The following EXOC6 variants were observed in gnomAD, a reference collection of about 807,000 sequenced individuals.
EXOC6 encodes SEC15-like 1.
In EXOC6, 60 loss-of-function variants were observed where a neutral mutation model predicts 112.5. That is an observed-to-expected ratio of 0.53 (90% confidence interval 0.43 to 0.66). EXOC6 has a LOEUF of 0.66. EXOC6 is among the 30% of genes least tolerant of loss of function. The pLI, the probability that EXOC6 is intolerant of heterozygous loss-of-function variation, is 0.00. For synonymous variants in EXOC6, 295 were observed against 308.0 expected (o/e 0.96, Z 0.44); for missense variants, 855 against 957.1 (o/e 0.89, Z 1.41).
intron 8 of EXOC6, among the ~76,000 whole-genome samples, chr10:92,921,708 C>T (rs1486342660): frequency 4.1e-5 from 6 of 147,224 alleles, no homozygotes; most frequent in South Asian, 2.1e-4. Flanking sequence ...AGTGCAGTGG[C>T]GTGATCACAG....
intron 17 of EXOC6, 38 bp from the exon 18 acceptor site, chr10:92,974,015 C>G: frequency 6.9e-7 from 1 of 1,445,254 alleles, no homozygotes; most frequent in Non-Finnish European, 9.4e-7. Context: ...GTTTTATTAT[C>G]TGTTTCTTGT....
intron 17 of EXOC6, among the ~76,000 whole-genome samples, chr10:92,962,680 G>A (rs1395895822): frequency 6.6e-6 from 1 of 152,112 alleles, no homozygotes; most frequent in Admixed American, 6.6e-5. Flanking sequence ...CGTGTAAGCC[G>A]CTGTCAGGCC....
At chr10:92,849,672 T>C (rs1278848859) in intron 1 of EXOC6, among the ~76,000 whole-genome samples, 1 of 152,234 alleles carries the variant, frequency 6.6e-6, no homozygotes, top group East Asian at 1.9e-4. Flanking sequence ...CCTGTGAATA[T>C]AGTGTAAATT....
At chr10:92,965,349 T>TA (rs1479065775) in intron 17 of EXOC6, among the ~76,000 whole-genome samples, 4 of 152,210 alleles carry the variant, frequency 2.6e-5, no homozygotes, top group Non-Finnish European at 5.9e-5. Context: ...ATTTAATTCT[T>TA]ACACATTGAA....
intron 20 of EXOC6, among the ~76,000 whole-genome samples, chr10:93,041,806 G>A (rs1187372509): frequency 6.6e-6 from 1 of 152,054 alleles, no homozygotes; most frequent in Non-Finnish European, 1.5e-5. Flanking sequence ...CCACCTCCTG[G>A]GTTCAAGTGA....
At position 93,046,025 on chromosome 10, in the gene EXOC6, A is replaced by C. The variant is rs181873908; in HGVS notation, c.2170-10899A>C. 4.6e-5 allele frequency among the ~76,000 whole-genome samples: 7 copies of C among 152,380 alleles called. No homozygotes were observed. In the East Asian group the frequency reaches 1.2e-3, roughly 25 times the overall value. On this transcript the variant is annotated intron_variant, in intron 20 of 21. Transcript: ENST00000260762. ...TTACTAGTAGTTTAGATGTCAAGTA[A>C]ATGATAACATAGCCCTATTATCAGT...
At chr10:93,040,675 C>G (rs371857821) in intron 20 of EXOC6, among the ~76,000 whole-genome samples, 6 of 152,214 alleles carry the variant, frequency 3.9e-5, no homozygotes, top group African/African-American at 1.4e-4. Flanking sequence ...ATTTCTCAAT[C>G]CATTCCTATC....
intron 1 of EXOC6, among the ~76,000 whole-genome samples, chr10:92,850,905 A>G (rs1317496803): frequency 6.6e-6 from 1 of 152,198 alleles, no homozygotes; most frequent in Non-Finnish European, 1.5e-5. Context: ...AGGCCCTGAC[A>G]TATAACATGG....
At chr10:92,914,306 T>G (rs753546166) in intron 6 of EXOC6, among the ~76,000 whole-genome samples, 26 of 152,206 alleles carry the variant, frequency 1.7e-4, no homozygotes, top group Non-Finnish European at 3.2e-4. Context: ...AAAAAAAGCC[T>G]GGGGACCACT....
At chr10:92,910,107 A>G (rs1009835640) in intron 6 of EXOC6, among the ~76,000 whole-genome samples, 2 of 152,200 alleles carry the variant, frequency 1.3e-5, no homozygotes, top group African/African-American at 2.4e-5. Flanking sequence ...CAATATATCT[A>G]CCTTTTGAGT....
chr10:92,994,144 C>A (rs1253051534), intron 18 of EXOC6, among the ~76,000 whole-genome samples: 1 of 152,196 alleles, frequency 6.6e-6, no homozygotes, highest in Non-Finnish European at 1.5e-5. Context: ...TATGCTTTGA[C>A]TTTGTTGAAT....
chr10:92,999,934 C>A (rs1215142553), intron 19 of EXOC6, among the ~76,000 whole-genome samples: 2 of 152,120 alleles, frequency 1.3e-5, no homozygotes, highest in African/African-American at 4.8e-5. Context: ...AAACTCCTAA[C>A]CTCAGGTGAT....
intron 18 of EXOC6, among the ~76,000 whole-genome samples, chr10:92,994,824 T>C (rs577622313): frequency 1.8e-4 from 28 of 152,062 alleles, no homozygotes; most frequent in African/African-American, 6.0e-4. Context: ...CCAATGGCTA[T>C]AGACATTAAA....
At chr10:92,843,281 T>C (rs1846922875) in intron 1 of EXOC6, among the ~76,000 whole-genome samples, 1 of 151,932 alleles carries the variant, frequency 6.6e-6, no homozygotes, top group Non-Finnish European at 1.5e-5. Context: ...CCACTTGGGG[T>C]CACCACACCA....
At chr10:92,904,912 G>A (rs1850360973) in intron 5 of EXOC6, among the ~76,000 whole-genome samples, 1 of 151,924 alleles carries the variant, frequency 6.6e-6, no homozygotes, top group South Asian at 2.1e-4. Context: ...ATCTTCTAGA[G>A]TCTTAGAGTT....
At chr10:92,838,661 A>G (rs1846738266) in intron 1 of EXOC6, among the ~76,000 whole-genome samples, 1 of 152,238 alleles carries the variant, frequency 6.6e-6, no homozygotes, top group Admixed American at 6.5e-5. Flanking sequence ...GTGGAAAAGT[A>G]GAATTTGATG....
intron 20 of EXOC6, among the ~76,000 whole-genome samples, chr10:93,026,568 C>G (rs575134121): frequency 6.6e-6 from 1 of 152,300 alleles, no homozygotes; most frequent in South Asian, 2.1e-4. Context: ...GGAAGTCTTT[C>G]AGTACCGTTT....
At chr10:92,914,655 T>A (rs1850984107) in intron 6 of EXOC6, among the ~76,000 whole-genome samples, 1 of 152,158 alleles carries the variant, frequency 6.6e-6, no homozygotes, top group Non-Finnish European at 1.5e-5. Flanking sequence ...AGTACCAGCC[T>A]CTAGGGGGCA....
chr10:92,879,447 A>G (rs1848840854), intron 1 of EXOC6, among the ~76,000 whole-genome samples: 1 of 152,172 alleles, frequency 6.6e-6, no homozygotes, highest in Non-Finnish European at 1.5e-5. Flanking sequence ...AGCCTGGGAA[A>G]CAGAGTGAGA....
Sources: gnomAD v4.1 joint callset for allele counts (sites outside exome capture counted in the v4.1 genomes callset) on GRCh38, gnomAD v4.1.1 for gene constraint, MANE v1.5 for transcripts, NCBI Gene and HGNC (gene_info 2026-07-23, HGNC 2026-07-21) for gene names.